PPIL1: variants seen among roughly 807,000 people sequenced by gnomAD.
PPIL1 encodes peptidyl-prolyl cis-trans isomerase-like 1.
A neutral mutation model predicts 19.4 loss-of-function variants in PPIL1; 14 were observed. That is an observed-to-expected ratio of 0.72 (90% confidence interval 0.48 to 1.13). The LOEUF is 1.13. PPIL1 is among the 50% of genes most tolerant of loss of function. The pLI, the probability that PPIL1 is intolerant of heterozygous loss-of-function variation, is 0.00. For missense variants in PPIL1, 192 were observed against 218.0 expected, an observed-to-expected ratio of 0.88 and a Z score of 0.75; for synonymous variants, 72 against 73.6, an observed-to-expected ratio of 0.98 and a Z score of 0.11.
chr6:36,855,923 G>A lies in PPIL1; in HGVS notation c.391C>T (p.Arg131Ter), dbSNP rs752959648. 11 of 1,613,934 alleles carry A rather than the reference G, an allele frequency of 6.8e-6. No individual in the cohort carries two copies. The highest frequency in any genetic ancestry group is 2.7e-5 in the African/African-American group (2 of 74,878). Residue 131 changes from arginine (R) to a stop codon, truncating the protein, a stop_gained, in exon 4 of 4, where the codon CGA becomes TGA. Transcript: ENST00000373699. LOFTEE classifies it high-confidence loss of function. ...WLDGKHTIFG[R>*]VCQGIGMVNR... Reference sequence around the variant, plus strand: ...ACCATTCCTATGCCCTGACACACTCGGCCAAAAATGGTGTGTTTGCCGTCA... The same window carrying A: ...ACCATTCCTATGCCCTGACACACTCAGCCAAAAATGGTGTGTTTGCCGTCA...
chr6:36,872,557 G>A (rs1774535394), intron 1 of PPIL1, among the ~76,000 whole-genome samples: 1 of 151,962 alleles, frequency 6.6e-6, no homozygotes, highest in Non-Finnish European at 1.5e-5. Flanking sequence ...GAAAGGACGA[G>A]TGCCTTCCCC....
intron 2 of PPIL1, among the ~76,000 whole-genome samples, chr6:36,871,483 A>C (rs1302586140): frequency 2.0e-5 from 3 of 152,230 alleles, no homozygotes; most frequent in Admixed American, 6.5e-5. Context: ...GAAAAACTCT[A>C]CCAAGCCTAG....
At chr6:36,873,917 G>A (rs1386994650) in intron 1 of PPIL1, among the ~76,000 whole-genome samples, 1 of 152,180 alleles carries the variant, frequency 6.6e-6, no homozygotes, top group Non-Finnish European at 1.5e-5. Context: ...GCAGCAAGAC[G>A]TTATTAAAGG....
chr6:36,873,430 C>A (rs1406917049), intron 1 of PPIL1, among the ~76,000 whole-genome samples: 2 of 152,224 alleles, frequency 1.3e-5, no homozygotes, highest in Admixed American at 1.3e-4. Flanking sequence ...AACATACATA[C>A]AGTATGATCA....
At chr6:36,874,396 T>C (rs1389583498) in intron 1 of PPIL1, among the ~76,000 whole-genome samples, 1 of 152,254 alleles carries the variant, frequency 6.6e-6, no homozygotes, top group Non-Finnish European at 1.5e-5. Flanking sequence ...TCTACCTCTG[T>C]ATCCTCAGAA....
At chr6:36,861,701 C>CT (rs59996744) in intron 2 of PPIL1, among the ~76,000 whole-genome samples, 11,451 of 138,736 alleles carry the variant, frequency 0.083, 624 homozygotes, top group South Asian at 0.12. Context: ...TTTTTAATTC[C>CT]TTTTTTTTTT....
chr6:36,866,148 CAG>C (rs1370433080), intron 2 of PPIL1, among the ~76,000 whole-genome samples: 3 of 152,138 alleles, frequency 2.0e-5, no homozygotes, highest in Non-Finnish European at 2.9e-5. Flanking sequence ...AAAAGACACT[CAG>C]AGGGCTAAGG....
chr6:36,869,660 T>C (rs956976194), intron 2 of PPIL1, among the ~76,000 whole-genome samples: 1 of 152,082 alleles, frequency 6.6e-6, no homozygotes, highest in African/African-American at 2.4e-5. Context: ...TTGTGAACAC[T>C]AAATACACTG....
chr6:36,865,692 T>C (rs946328206), intron 2 of PPIL1, among the ~76,000 whole-genome samples: 13 of 152,238 alleles, frequency 8.5e-5, no homozygotes, highest in South Asian at 2.1e-4. Context: ...CTCCAACCTA[T>C]ATTATATACA....
chr6:36,858,158 C>T (rs1026385446), intron 2 of PPIL1, among the ~76,000 whole-genome samples: 2 of 146,094 alleles, frequency 1.4e-5, no homozygotes, highest in Non-Finnish European at 3.0e-5. Context: ...TGCTTGAACC[C>T]AGTAGGTGGA....
intron 2 of PPIL1, among the ~76,000 whole-genome samples, chr6:36,862,122 T>G (rs1277362659): frequency 6.6e-6 from 1 of 152,208 alleles, no homozygotes; most frequent in Non-Finnish European, 1.5e-5. Context: ...GCATGGGACA[T>G]GCAGTGTCTT....
chr6:36,874,283 C>T (rs953194362), intron 1 of PPIL1, among the ~76,000 whole-genome samples: 3 of 152,212 alleles, frequency 2.0e-5, no homozygotes, highest in Non-Finnish European at 2.9e-5. Context: ...CTGTATTTTA[C>T]TGGAATTTGT....
intron 2 of PPIL1, among the ~76,000 whole-genome samples, chr6:36,858,804 T>C (rs1157045755): frequency 6.6e-6 from 1 of 152,198 alleles, no homozygotes; most frequent in Non-Finnish European, 1.5e-5. Context: ...ATAACCAATA[T>C]GTTCCCTCTG....
intron 2 of PPIL1, among the ~76,000 whole-genome samples, chr6:36,866,865 T>C (rs769372993): frequency 6.6e-5 from 10 of 152,152 alleles, no homozygotes; most frequent in Non-Finnish European, 1.3e-4. Flanking sequence ...CGAACCTCTA[T>C]TGACTCCAAT....
intron 1 of PPIL1, 51 bp downstream of exon 1, chr6:36,874,666 G>A: frequency 6.3e-7 from 1 of 1,598,414 alleles, no homozygotes; most frequent in Non-Finnish European, 8.6e-7. Flanking sequence ...CCGTGGTGAG[G>A]CCCGGGCTCC....
rs143270429 is a variant in PPIL1 at position 36,869,833 on chromosome 6, T to G, written c.211+1885A>C. Among the ~76,000 whole-genome samples, 14 of 152,338 alleles carry G rather than the reference T, an allele frequency of 9.2e-5. No individual in the cohort carries two copies. In the East Asian group the frequency reaches 2.7e-3, roughly 29 times the overall value. ...AGGAAGTCAAATATTCTGTTCTATA[T>G]ATATGAAATTAAATGTAATATGTTC... On this transcript the variant is annotated intron_variant, in intron 2 of 3. Coordinates refer to ENST00000373699, the MANE Select transcript of PPIL1 (RefSeq NM_016059.5).
chr6:36,861,122 G>C (rs1224765156), intron 2 of PPIL1, among the ~76,000 whole-genome samples: 1 of 151,936 alleles, frequency 6.6e-6, no homozygotes, highest in Non-Finnish European at 1.5e-5. Context: ...CCTCACAGGG[G>C]ATACACAGGG....
At chr6:36,869,537 C>CA (rs1475787890) in intron 2 of PPIL1, among the ~76,000 whole-genome samples, 4 of 151,726 alleles carry the variant, frequency 2.6e-5, no homozygotes, top group South Asian at 2.1e-4. Flanking sequence ...GCTCTTGTAA[C>CA]AAAAAACCAC....
intron 1 of PPIL1, among the ~76,000 whole-genome samples, chr6:36,873,474 A>G (rs1774563378): frequency 1.3e-5 from 2 of 152,260 alleles, no homozygotes; most frequent in African/African-American, 4.8e-5. Context: ...AAAACATGAG[A>G]GAGGTTTATA....
Sources: allele counts gnomAD v4.1 joint callset (sites outside exome capture counted in the v4.1 genomes callset), GRCh38; gene constraint gnomAD v4.1.1; transcripts MANE v1.5; gene names NCBI Gene and HGNC (gene_info 2026-07-23, HGNC 2026-07-21).